Variants in CNR1 observed in about 807,000 individuals in gnomAD.
CNR1 encodes cannabinoid receptor 1, also known as cannabinoid receptor 1 (brain).
In CNR1, 10 loss-of-function variants were observed where a neutral mutation model predicts 23.0. That is an observed-to-expected ratio of 0.43 (90% CI 0.27 to 0.74). The LOEUF is 0.74. Ranked by LOEUF, CNR1 falls within the 30% of genes least tolerant of loss-of-function variation. The pLI, the probability that CNR1 is intolerant of heterozygous loss-of-function variation, is 0.19. For missense variants in CNR1, 422 were observed against 618.8 expected, an observed-to-expected ratio of 0.68 and a Z score of 3.37; for synonymous variants, 271 against 255.2, an observed-to-expected ratio of 1.06 and a Z score of -0.59.
intron 1 of CNR1, among the ~76,000 whole-genome samples, chr6:88,155,459 TCTAA>T (rs1777744368): frequency 1.3e-5 from 2 of 152,200 alleles, no homozygotes; most frequent in Admixed American, 1.3e-4. Flanking sequence ...ACCCAAGGTC[TCTAA>T]CTAGACAGGG....
chr6:88,162,924 T>C (rs1778179667), intron 1 of CNR1: 1 of 152,104 alleles, frequency 6.6e-6, no homozygotes, highest in African/African-American at 2.4e-5. Context: ...AATTAGAAAA[T>C]GATAAATACA....
At chr6:88,154,434 A>G (rs756193271) in intron 1 of CNR1, among the ~76,000 whole-genome samples, 9 of 152,244 alleles carry the variant, frequency 5.9e-5, no homozygotes, top group Non-Finnish European at 1.3e-4. Flanking sequence ...TGATACAAAT[A>G]AAATCATTTG....
chr6:88,152,309 G>A (rs1777572227), intron 1 of CNR1, among the ~76,000 whole-genome samples: 1 of 151,212 alleles, frequency 6.6e-6, no homozygotes, highest in African/African-American at 2.4e-5. Context: ...TCCTATCAAA[G>A]CTCATCTAGG....
chr6:88,144,819 G>C lies in CNR1; in HGVS notation c.456C>G (p.Ser152=). 2 of 1,614,230 alleles carry C rather than the reference G, an allele frequency of 1.2e-6. No individual in the cohort carries two copies. The highest frequency in any genetic ancestry group is 1.7e-6 in the Non-Finnish European group (2 of 1,180,038). The change falls in exon 2 of 2, where the codon TCC becomes TCG. Residue 152 remains serine (S), a synonymous_variant. Coordinates refer to ENST00000369501, the MANE Select transcript of CNR1 (RefSeq NM_016083.6). The surrounding 1 kb of genome is among the most constrained non-coding windows in gnomAD (Gnocchi z 7.8). ...CCGCCAGGCTGCCGATGAAGTGGTA[G>C]GAAGGCCTGCAGCGGAGGCTGCGGG... ...LHSRSLRCRP[S]YHFIGSLAVA... is the part of the protein sequence containing the mutation.
At chr6:88,158,757 G>A (rs1418726667) in intron 1 of CNR1, among the ~76,000 whole-genome samples, 5 of 152,206 alleles carry the variant, frequency 3.3e-5, no homozygotes, top group African/African-American at 9.7e-5. Context: ...GGTTAGATAA[G>A]AAGAAAGAAT....
intron 1 of CNR1, among the ~76,000 whole-genome samples, chr6:88,145,942 G>C (rs1777157885): frequency 6.6e-6 from 1 of 152,198 alleles, no homozygotes; most frequent in East Asian, 1.9e-4. Flanking sequence ...GAGGCCATGT[G>C]GGGAGAGATG....
At position 88,144,360 on chromosome 6, in the gene CNR1, G is replaced by C. The variant is rs201218508; in HGVS notation, c.915C>G (p.Ala305=). The C allele has an allele frequency of 3.7e-5, 60 of 1,613,854 alleles. No homozygotes were observed. The Admixed American group carries it at 7.2e-4, about 19-fold the overall frequency. Residue 305 remains alanine (A), a synonymous_variant, in exon 2 of 2, where the codon GCC becomes GCG. Coordinates refer to ENST00000369501, the MANE Select transcript of CNR1 (RefSeq NM_016083.6). This position sits in a 1 kb window ranked among gnomAD's most constrained non-coding sequence, Gnocchi z 7.8. ...GGGTGCCACGCTGAATCATGCGGACGGCGTGGCTGTGAGCCTTCCAGAGAA... is the reference window on the plus strand; with the variant it reads ...GGGTGCCACGCTGAATCATGCGGACCGCGTGGCTGTGAGCCTTCCAGAGAA... ...MYILWKAHSH[A]VRMIQRGTQK... is the part of the protein sequence containing the mutation.
chr6:88,164,862 T>C (rs1313754985), intron 1 of CNR1, among the ~76,000 whole-genome samples: 10 of 152,232 alleles, frequency 6.6e-5, no homozygotes, highest in Non-Finnish European at 4.4e-5. Flanking sequence ...GGAGAAGTTA[T>C]GGGACCCACA....
At chr6:88,157,441 TA>T (rs781596511) in intron 1 of CNR1, among the ~76,000 whole-genome samples, 4 of 152,196 alleles carry the variant, frequency 2.6e-5, no homozygotes, top group Admixed American at 6.5e-5. Flanking sequence ...CTGAATTAAT[TA>T]AAATACAAAT....
intron 1 of CNR1, among the ~76,000 whole-genome samples, chr6:88,148,633 C>T (rs750133604): frequency 1.3e-5 from 2 of 152,024 alleles, no homozygotes; most frequent in African/African-American, 4.8e-5. Flanking sequence ...TAGAAATATG[C>T]TCTATTTAGG....
chr6:88,157,789 C>A (rs962479452), intron 1 of CNR1, among the ~76,000 whole-genome samples: 1 of 152,104 alleles, frequency 6.6e-6, no homozygotes, highest in Non-Finnish European at 1.5e-5. Context: ...CTGGTCCTAA[C>A]TCTGTGATGA....
intron 1 of CNR1, among the ~76,000 whole-genome samples, chr6:88,158,633 T>G (rs1777926815): frequency 6.6e-6 from 1 of 152,182 alleles, no homozygotes; most frequent in African/African-American, 2.4e-5. Flanking sequence ...TAGCAAGGCC[T>G]TTAGGAGGCT....
At chr6:88,154,327 A>C (rs1777683827) in intron 1 of CNR1, among the ~76,000 whole-genome samples, 1 of 152,242 alleles carries the variant, frequency 6.6e-6, no homozygotes. Flanking sequence ...GAGACTAGTT[A>C]AAACAATTTC....
At chr6:88,163,211 T>G (rs6454674) in intron 1 of CNR1, among the ~76,000 whole-genome samples, 49,165 of 152,106 alleles carry the variant, frequency 0.32, 8,000 homozygotes, top group Middle Eastern at 0.4. Context: ...AGCAATAACT[T>G]TCACCCAGAA....
chr6:88,157,682 G>GGGT (rs1385978633), intron 1 of CNR1, among the ~76,000 whole-genome samples: 3 of 151,996 alleles, frequency 2.0e-5, no homozygotes, highest in African/African-American at 7.2e-5. Flanking sequence ...AAAGTAAGAG[G>GGGT]GGTGGTCTCA....
chr6:88,166,430 G>C (rs1370134620), upstream of CNR1: 1 of 152,370 alleles, frequency 6.6e-6, no homozygotes, highest in Non-Finnish European at 1.5e-5. Flanking sequence ...GGCAGCGGCG[G>C]CGGCACAGAC....
chr6:88,166,544 G>T (rs1186707332), upstream of CNR1, among the ~76,000 whole-genome samples: 1 of 152,122 alleles, frequency 6.6e-6, no homozygotes, highest in African/African-American at 2.4e-5. Context: ...TGGGGCCAGA[G>T]GGGACAAGCC....
chr6:88,145,344 G>A lies in CNR1; in HGVS notation c.-63-7C>T, dbSNP rs1777122974. 1 of 1,280,212 alleles carries A rather than the reference G, an allele frequency of 7.8e-7. No individual in the cohort carries two copies. The highest frequency in any genetic ancestry group is 1.1e-6 in the Non-Finnish European group (1 of 913,750). 79.3% of individuals were successfully genotyped at this position (1,280,212 alleles called of 1,614,324 possible). On this transcript the variant is annotated splice_polypyrimidine_tract_variant and splice_region_variant and intron_variant, in intron 1 of 1. Coordinates refer to ENST00000369501, the MANE Select transcript of CNR1 (RefSeq NM_016083.6). ...TGACCCACAGGGGGCAATCCTAAGA[G>A]GAGGGAAAACAAATAAGCCGAATGG...
intron 1 of CNR1, among the ~76,000 whole-genome samples, chr6:88,161,077 T>C (rs1778079957): frequency 1.3e-5 from 2 of 152,248 alleles, no homozygotes; most frequent in African/African-American, 4.8e-5. Context: ...ATGCAAAATG[T>C]ACTTTTGAAA....
Sources: allele counts gnomAD v4.1 joint callset (sites outside exome capture counted in the v4.1 genomes callset), GRCh38; gene constraint gnomAD v4.1.1; non-coding constraint Gnocchi (gnomAD v3.1); transcripts MANE v1.5; gene names NCBI Gene and HGNC (gene_info 2026-07-23, HGNC 2026-07-21).